Variants in ATF7IP observed in about 807,000 individuals in gnomAD.
The protein encoded by ATF7IP is activating transcription factor 7 interacting protein, also known as activating transcription factor 7-interacting protein 1.
A neutral mutation model predicts 106.4 loss-of-function variants in ATF7IP; 23 were observed. That is an observed-to-expected ratio of 0.22 (90% CI 0.16 to 0.31). The LOEUF is 0.31. Ranked by LOEUF, ATF7IP falls within the 10% of genes least tolerant of loss-of-function variation. ATF7IP has a pLI of 1.00. For synonymous variants in ATF7IP, 542 were observed against 539.0 expected (o/e 1.01, Z -0.08); for missense variants, 1,334 against 1,524.3 (o/e 0.88, Z 2.08).
rs778952048 is a variant in ATF7IP at position 14,425,367 on chromosome 12, T to C, written c.1452T>C (p.Ser484=). The C allele has an allele frequency of 6.2e-7, 1 of 1,612,558 alleles. No individual in the cohort carries two copies. The highest frequency in any genetic ancestry group is 8.5e-7 in the Non-Finnish European group (1 of 1,179,612). Residue 484 remains serine, a synonymous_variant, in exon 2 of 15, where the codon AGT becomes AGC. Coordinates refer to ENST00000261168, the MANE Select transcript of ATF7IP (RefSeq NM_018179.5). The part of the protein sequence containing the change: ...SFGSPSKQES[S]ESLPKEAFLV... ...GTTCACCATCTAAACAAGAAAGTAG[T>C]GAGAGTTTGCCAAAAGAAGCCTTTC...
intron 9 of ATF7IP, among the ~76,000 whole-genome samples, chr12:14,462,370 T>C (rs960292364): frequency 3.9e-5 from 6 of 152,052 alleles, no homozygotes; most frequent in African/African-American, 1.4e-4. Context: ...TTCTGTAACT[T>C]CTTTTTCTTT....
intron 1 of ATF7IP, among the ~76,000 whole-genome samples, chr12:14,373,984 A>G (rs1235811073): frequency 6.6e-6 from 1 of 152,042 alleles, no homozygotes; most frequent in Non-Finnish European, 1.5e-5. Context: ...CTGTAGATGA[A>G]TCGAGTGACA....
Position 14,481,088 on chromosome 12 carries a change from G to A in ATF7IP, c.3183G>A (p.Gln1061=). 3 of 1,614,020 alleles carry A rather than the reference G, an allele frequency of 1.9e-6. No homozygotes were observed. Among genetic ancestry groups the A allele is most frequent in the Non-Finnish European group, 2.5e-6 (3 of 1,179,976 alleles). The change falls in exon 13 of 15, where the codon CAG becomes CAA. Residue 1061 remains glutamine, a synonymous_variant. Transcript: ENST00000261168. ...TACCAAGAGCTCCTGCAAACCACCA[G>A]GTGGTTTATACAACTCTTCCTGCAC... ...LPVPRAPANH[Q]VVYTTLPAPP... is the part of the protein sequence containing the mutation.
At chr12:14,412,091 T>A (rs1940952962) in intron 1 of ATF7IP, among the ~76,000 whole-genome samples, 1 of 152,200 alleles carries the variant, frequency 6.6e-6, no homozygotes, top group Non-Finnish European at 1.5e-5. Flanking sequence ...GACAATTTAC[T>A]GTAAAAGTGA....
intron 2 of ATF7IP, among the ~76,000 whole-genome samples, chr12:14,431,438 A>C (rs976795125): frequency 6.7e-6 from 1 of 150,000 alleles, no homozygotes; most frequent in Non-Finnish European, 1.5e-5. Context: ...TCTGTCACCC[A>C]GGCTGGAGTG....
intron 13 of ATF7IP, among the ~76,000 whole-genome samples, chr12:14,489,069 AGTG>A (rs142491387): frequency 0.012 from 1,782 of 152,282 alleles, 27 homozygotes; most frequent in East Asian, 0.064. Context: ...CTCATCTGGT[AGTG>A]GTTTTACTCC....
intron 6 of ATF7IP, 100 bp from the exon 7 acceptor site, chr12:14,456,461 A>G (rs1175596339): frequency 1.1e-5 from 8 of 736,378 alleles, no homozygotes; most frequent in Non-Finnish European, 1.9e-5. Context: ...TAGAACAGTG[A>G]CAGATAATAT....
chr12:14,448,489 A>G (rs1565520882), intron 6 of ATF7IP, among the ~76,000 whole-genome samples: 1 of 152,180 alleles, frequency 6.6e-6, no homozygotes, highest in Non-Finnish European at 1.5e-5. Flanking sequence ...TAAAATTGTT[A>G]CATCACCATA....
At chr12:14,497,564 C>A in intron 14 of ATF7IP, 90 bp from the exon 15 acceptor site, 1 of 1,271,448 alleles carries the variant, frequency 7.9e-7, no homozygotes, top group Non-Finnish European at 1.1e-6. Context: ...AATGATACTT[C>A]TACGTATGTT....
intron 12 of ATF7IP, among the ~76,000 whole-genome samples, chr12:14,479,854 A>C (rs1208510436): frequency 1.3e-5 from 2 of 152,134 alleles, no homozygotes; most frequent in East Asian, 3.8e-4. Context: ...GGCAGTTATA[A>C]GTAAGTTCAA....
intron 1 of ATF7IP, among the ~76,000 whole-genome samples, chr12:14,420,732 C>G (rs1204151910): frequency 1.3e-5 from 2 of 152,182 alleles, no homozygotes; most frequent in African/African-American, 4.8e-5. Flanking sequence ...TGAATGTTCT[C>G]TGAGTTGGTT....
chr12:14,433,595 G>A (rs1224834371), intron 2 of ATF7IP, among the ~76,000 whole-genome samples: 2 of 151,332 alleles, frequency 1.3e-5, no homozygotes, highest in Admixed American at 6.6e-5. Context: ...ACTTGAACCC[G>A]GGAGGCGGAG....
intron 1 of ATF7IP, among the ~76,000 whole-genome samples, chr12:14,397,299 A>G (rs1166654810): frequency 6.6e-6 from 1 of 152,220 alleles, no homozygotes; most frequent in East Asian, 1.9e-4. Context: ...TTGAGTTCCT[A>G]AAAAGTGTTT....
intron 2 of ATF7IP, 120 bp downstream of exon 2, chr12:14,425,593 C>T: frequency 1.0e-6 from 1 of 974,714 alleles, no homozygotes; most frequent in Non-Finnish European, 1.4e-6. Flanking sequence ...ATGGTGATGA[C>T]TCTATAGAAA....
chr12:14,420,318 C>T (rs186586361), intron 1 of ATF7IP: 3 of 152,070 alleles, frequency 2.0e-5, no homozygotes, highest in Non-Finnish European at 2.9e-5. Context: ...CAGACTATTA[C>T]AAGATAAAGC....
chr12:14,427,894 T>C (rs1941938221), intron 2 of ATF7IP, among the ~76,000 whole-genome samples: 1 of 152,054 alleles, frequency 6.6e-6, no homozygotes, highest in South Asian at 2.1e-4. Flanking sequence ...AGTAAATATT[T>C]GTAAAGTGAA....
chr12:14,435,975 A>G (rs1327095584), intron 3 of ATF7IP, 131 bp from the exon 4 acceptor site: 1 of 899,254 alleles, frequency 1.1e-6, no homozygotes, highest in Admixed American at 2.9e-5. Flanking sequence ...TAAGATCTCC[A>G]AAACAGTTTA....
At chr12:14,445,882 T>G (rs1942932645) in intron 5 of ATF7IP, among the ~76,000 whole-genome samples, 1 of 152,192 alleles carries the variant, frequency 6.6e-6, no homozygotes, top group African/African-American at 2.4e-5. Context: ...ATGTTTAATT[T>G]AAAATGGCTT....
At chr12:14,448,963 C>A (rs1943091184) in intron 6 of ATF7IP, among the ~76,000 whole-genome samples, 1 of 152,102 alleles carries the variant, frequency 6.6e-6, no homozygotes, top group African/African-American at 2.4e-5. Context: ...GGAGAAAAGT[C>A]TCTTCGGGTT....
Sources: gnomAD v4.1 joint callset for allele counts (sites outside exome capture counted in the v4.1 genomes callset) on GRCh38, gnomAD v4.1.1 for gene constraint, MANE v1.5 for transcripts, NCBI Gene and HGNC (gene_info 2026-07-23, HGNC 2026-07-21) for gene names.